Variants in INTS7 observed in about 807,000 individuals in gnomAD.
INTS7 encodes chromosome 1 open reading frame 73.
Under a neutral mutation model 109.2 loss-of-function variants are expected in INTS7, and 46 were observed. That is an observed-to-expected ratio of 0.42 (90% CI 0.33 to 0.54). The LOEUF (loss-of-function observed/expected upper bound fraction) is 0.54. Ranked by LOEUF, INTS7 falls within the 20% of genes least tolerant of loss-of-function variation. The pLI is 0.07. For synonymous variants in INTS7, 412 were observed against 402.9 expected (o/e 1.02, Z -0.27); for missense variants, 929 against 1,132.4 (o/e 0.82, Z 2.58).
chr1:211,997,550 AG>A (rs199636018), intron 7 of INTS7, among the ~76,000 whole-genome samples: 5 of 144,020 alleles, frequency 3.5e-5, no homozygotes, highest in Non-Finnish European at 3.1e-5. Context: ...AAAAAAAAAA[AG>A]GGAGAGATGT....
At chr1:211,966,856 A>C (rs1663904817) in intron 15 of INTS7, among the ~76,000 whole-genome samples, 1 of 152,186 alleles carries the variant, frequency 6.6e-6, no homozygotes, top group Non-Finnish European at 1.5e-5. Context: ...TCACTGATAA[A>C]AGTTAAAAAA....
At chr1:211,987,010 A>C (rs1407272020) in intron 8 of INTS7, among the ~76,000 whole-genome samples, 1 of 152,210 alleles carries the variant, frequency 6.6e-6, no homozygotes, top group East Asian at 1.9e-4. Context: ...AAAACAAAAC[A>C]ACCAGCCTGG....
At chr1:212,009,365 C>A (rs1160306157) in intron 5 of INTS7, among the ~76,000 whole-genome samples, 1 of 152,170 alleles carries the variant, frequency 6.6e-6, no homozygotes, top group Non-Finnish European at 1.5e-5. Flanking sequence ...AATACTCCAG[C>A]ATCCTAGAAG....
At chr1:211,986,697 T>C (rs916031112) in intron 8 of INTS7, among the ~76,000 whole-genome samples, 1 of 152,132 alleles carries the variant, frequency 6.6e-6, no homozygotes, top group African/African-American at 2.4e-5. Flanking sequence ...CATCACCATA[T>C]CCCCATTCTC....
rs1476159785 is a variant in INTS7 at position 211,999,810 on chromosome 1, A to AG, written c.879+6828dup. 4.6e-5 allele frequency among the ~76,000 whole-genome samples: 7 copies of AG among 152,328 alleles called. No individual in the cohort carries two copies. The East Asian group carries it at 1.3e-3, about 29-fold the overall frequency. ...CTTCCGGCAAGTCTAATCAAGGAAA[A>AG]GGGGATATATAGGCCGGGCGTGGTG... On this transcript the variant is annotated intron_variant, in intron 7 of 19. Transcript: ENST00000366994.
At position 211,959,175 on chromosome 1, in the gene INTS7, T is replaced by C. The variant is rs898765372; in HGVS notation, c.2184-6474A>G. Among the ~76,000 whole-genome samples the C allele has an allele frequency of 2.0e-5, 3 of 152,118 alleles. No individual in the cohort carries two copies. Among genetic ancestry groups the C allele is most frequent in the Non-Finnish European group, 4.4e-5 (3 of 68,012 alleles). On this transcript the variant is annotated intron_variant, in intron 16 of 19. Coordinates refer to ENST00000366994, the MANE Select transcript of INTS7 (RefSeq NM_015434.4). This position sits in a 1 kb window ranked among gnomAD's most constrained non-coding sequence, Gnocchi z 4.2. ...CTAGCCAATGCAGAGCCCAAAGGGT[T>C]TGGTGTGTGAGCATCTGTAGTGGAA...
At chr1:211,947,331 G>A (rs1662886536) in intron 17 of INTS7, among the ~76,000 whole-genome samples, 1 of 152,174 alleles carries the variant, frequency 6.6e-6, no homozygotes, top group South Asian at 2.1e-4. Flanking sequence ...AAACACCACA[G>A]AGAATATTTT....
intron 10 of INTS7, among the ~76,000 whole-genome samples, chr1:211,978,732 A>G (rs576652997): frequency 2.0e-5 from 3 of 152,330 alleles, no homozygotes; most frequent in Non-Finnish European, 2.9e-5. Context: ...TCAACCACTC[A>G]TTTCAATCTA....
chr1:211,989,650 T>TG (rs1665059177), intron 7 of INTS7, among the ~76,000 whole-genome samples: 1 of 151,754 alleles, frequency 6.6e-6, no homozygotes, highest in African/African-American at 2.4e-5. Context: ...GGTGAAACCC[T>TG]GTCTCTACTA....
intron 7 of INTS7, among the ~76,000 whole-genome samples, chr1:211,998,293 C>G (rs1665502244): frequency 6.6e-6 from 1 of 152,164 alleles, no homozygotes. Flanking sequence ...AAAAGAAATA[C>G]AAAGGTAGGG....
rs1012871449 is a variant in INTS7, at chr1:211,946,536, T to A, written c.2415+71A>T. The A allele has an allele frequency of 1.7e-4, 147 of 865,722 alleles. No individual in the cohort carries two copies. The highest frequency in any genetic ancestry group is 2.6e-4 in the Non-Finnish European group (135 of 523,912). The allele number at this position is 865,722 out of a possible 1,614,324, so 53.6% of individuals were successfully genotyped here. A position where few individuals can be genotyped will look rare whatever the true frequency, so the allele number is the denominator to read the frequency against. On this transcript the variant is annotated intron_variant, in intron 18 of 19. Coordinates refer to ENST00000366994, the MANE Select transcript of INTS7 (RefSeq NM_015434.4). The surrounding 1 kb of genome is among the most constrained non-coding windows in gnomAD (Gnocchi z 4.3). ...AAGGTAACACACTGAAGTGTAGCTATGTCCTACATAATCTTCAGAAGACAC... is the reference window on the plus strand; with the variant it reads ...AAGGTAACACACTGAAGTGTAGCTAAGTCCTACATAATCTTCAGAAGACAC...
intron 3 of INTS7, among the ~76,000 whole-genome samples, chr1:212,017,736 T>C (rs1244798995): frequency 5.3e-5 from 8 of 152,206 alleles, no homozygotes; most frequent in Admixed American, 5.2e-4. Context: ...GTTCCTACAA[T>C]GACAACCTTC....
At chr1:212,022,969 G>A (rs1197618515) in intron 1 of INTS7, among the ~76,000 whole-genome samples, 1 of 152,068 alleles carries the variant, frequency 6.6e-6, no homozygotes, top group African/African-American at 2.4e-5. Context: ...TGTACCCAAT[G>A]CTTAGCTCCC....
At chr1:211,955,888 T>C (rs1663340336) in intron 16 of INTS7, among the ~76,000 whole-genome samples, 1 of 152,234 alleles carries the variant, frequency 6.6e-6, no homozygotes, top group African/African-American at 2.4e-5. Context: ...GTACTATATC[T>C]TAAGTTCTAT....
In INTS7 at chr1:211,987,977, A is replaced by C; in HGVS notation, c.906T>G (p.Thr302=). 6.2e-7 allele frequency: 1 copy of C among 1,608,722 alleles called. No homozygotes were observed. Among genetic ancestry groups the C allele is most frequent in the Non-Finnish European group, 8.5e-7 (1 of 1,175,874 alleles). Residue 302 remains threonine, a synonymous_variant, in exon 8 of 20, where the codon ACT becomes ACG. Transcript: ENST00000366994. ...TCCCTAGTTTTAAGCTGTCATAAGG[A>C]GTCTGGAGGGCACACTCACAAAGTG... The part of the protein sequence containing the change: ...IQALCECALQ[T]PYDSLKLGML...
intron 1 of INTS7, 86 bp from the exon 2 acceptor site, chr1:212,021,298 A>C: frequency 9.1e-7 from 1 of 1,096,542 alleles, no homozygotes; most frequent in Non-Finnish European, 1.3e-6. Flanking sequence ...AATTTACTAG[A>C]TAGTAAAGAA....
intron 13 of INTS7, among the ~76,000 whole-genome samples, chr1:211,971,409 T>C (rs536859535): frequency 2.0e-5 from 3 of 151,946 alleles, no homozygotes; most frequent in African/African-American, 7.2e-5. Context: ...CACTATAGAG[T>C]GGGAAAATAA....
At chr1:211,993,825 T>C (rs1420311825) in intron 7 of INTS7, among the ~76,000 whole-genome samples, 1 of 152,128 alleles carries the variant, frequency 6.6e-6, no homozygotes, top group Non-Finnish European at 1.5e-5. Context: ...GTTTTTCCTA[T>C]GAAACTATCG....
chr1:211,977,285 A>G (rs1460127829), intron 11 of INTS7, among the ~76,000 whole-genome samples: 1 of 152,196 alleles, frequency 6.6e-6, no homozygotes, highest in Non-Finnish European at 1.5e-5. Flanking sequence ...CTAGATAATG[A>G]ATGCAAGAGT....
Sources: allele counts gnomAD v4.1 joint callset (sites outside exome capture counted in the v4.1 genomes callset), GRCh38; gene constraint gnomAD v4.1.1; non-coding constraint Gnocchi (gnomAD v3.1); transcripts MANE v1.5; gene names NCBI Gene and HGNC (gene_info 2026-07-23, HGNC 2026-07-21).